MIA3: variants seen among roughly 807,000 people sequenced by gnomAD.
MIA3 encodes transport and Golgi organization protein 1 homolog.
A neutral mutation model predicts 192.4 loss-of-function variants in MIA3; 90 were observed. The ratio of observed to expected loss-of-function variants is 0.47; its 90% CI spans 0.39 to 0.56. MIA3 has a LOEUF of 0.56. Among genes scored for constraint, MIA3 ranks in the 20% least tolerant of loss-of-function variants. MIA3 has a pLI of 0.00. For synonymous variants in MIA3, 740 were observed against 792.8 expected (o/e 0.93, Z 1.12); for missense variants, 2,123 against 2,269.4 (o/e 0.94, Z 1.31).
intron 6 of MIA3, among the ~76,000 whole-genome samples, chr1:222,638,683 T>G (rs906650739): frequency 2.0e-4 from 30 of 151,498 alleles, no homozygotes; most frequent in African/African-American, 6.8e-4. Context: ...GGTGACAGAA[T>G]GAGACCTTGT....
intron 6 of MIA3, chr1:222,641,705 C>G: frequency 1.8e-6 from 1 of 553,868 alleles, no homozygotes; most frequent in Admixed American, 1.9e-5. Flanking sequence ...TCATTGTTCT[C>G]GCTCAGCATG....
intron 2 of MIA3, among the ~76,000 whole-genome samples, chr1:222,623,332 A>G (rs917893200): frequency 6.6e-6 from 1 of 151,924 alleles, no homozygotes; most frequent in Non-Finnish European, 1.5e-5. Flanking sequence ...TGTGGTCCCA[A>G]CTGACAAAGA....
At chr1:222,637,146 T>C (rs1451955437) in intron 6 of MIA3, among the ~76,000 whole-genome samples, 1 of 152,242 alleles carries the variant, frequency 6.6e-6, no homozygotes, top group Non-Finnish European at 1.5e-5. Context: ...TCTGTTATTA[T>C]TGCAGTGCAT....
chr1:222,640,604 TAACTC>T lies in MIA3; in HGVS notation c.3478-4947_3478-4943del. Among the ~76,000 whole-genome samples, 2 of 152,252 alleles carry T rather than the reference TAACTC, an allele frequency of 1.3e-5. 1 individual carries two copies. Among genetic ancestry groups the T allele is most frequent in the East Asian group, 3.9e-4 (2 of 5,190 alleles). On this transcript the variant is annotated intron_variant, in intron 6 of 27. Coordinates refer to ENST00000344922, the MANE Select transcript of MIA3 (RefSeq NM_198551.4). ...CATACCTCACATGATGTACATAAAT[TAACTC>T]AAAGCAGATAATAGACTTAAATGTA...
intron 3 of MIA3, among the ~76,000 whole-genome samples, 181 bp from the exon 4 acceptor site, chr1:222,627,394 G>A (rs1662167045): frequency 6.6e-6 from 1 of 152,198 alleles, no homozygotes; most frequent in South Asian, 2.1e-4. Flanking sequence ...ACTCAGATGG[G>A]AAAGTGGGTT....
Position 222,664,045 on chromosome 1 carries a change from C to T in MIA3, c.5310C>T (p.Leu1770=), listed in dbSNP as rs1479910042. Residue 1770 remains leucine, a synonymous_variant, in exon 27 of 28, where the codon CTC becomes CTT. Coordinates refer to ENST00000344922, the MANE Select transcript of MIA3 (RefSeq NM_198551.4). ...CCCCTCCTTTCCCAGGAGTCCCTCT[C>T]ATGAGCACCCCCATGGGAGGCCCTG... ...KGPPPFPGVP[L]MSTPMGGPVP... is the part of the protein sequence containing the mutation. 6.2e-7 allele frequency: 1 copy of T among 1,614,172 alleles called. No homozygotes were observed. The highest frequency in any genetic ancestry group is 8.5e-7 in the Non-Finnish European group (1 of 1,180,002).
intron 13 of MIA3, 42 bp from the exon 14 acceptor site, chr1:222,652,966 A>G (rs1053568446): frequency 2.5e-6 from 4 of 1,585,322 alleles, no homozygotes; most frequent in Non-Finnish European, 3.4e-6. Flanking sequence ...TCTCCAGTGC[A>G]AAAGCCCTAA....
At chr1:222,644,508 C>A (rs906113849) in intron 6 of MIA3, 65 of 1,550,500 alleles carry the variant, frequency 4.2e-5, no homozygotes, top group Non-Finnish European at 5.1e-5. Context: ...TGCCTTCTAT[C>A]GCCGCTACCC....
intron 3 of MIA3, among the ~76,000 whole-genome samples, chr1:222,626,283 T>A (rs17163313): frequency 2.6e-5 from 4 of 151,914 alleles, no homozygotes; most frequent in Admixed American, 2.0e-4. Flanking sequence ...CCTGTTTGGC[T>A]TCACTCCTGA....
In MIA3 at chr1:222,641,003, G is replaced by A. The variant is rs75603962; in HGVS notation, c.3478-4551G>A. On this transcript the variant is annotated intron_variant, in intron 6 of 27. Transcript: ENST00000344922. ...ATTATCAGGGAAATGCCAATTTAAA[G>A]CAGAATGAGTTACCACTACACACTT... Among the ~76,000 whole-genome samples the A allele has an allele frequency of 6.3e-3, 955 of 152,268 alleles. 18 individuals carry two copies. The highest frequency in any genetic ancestry group is 0.022 in the African/African-American group (907 of 41,538).
Position 222,627,927 on chromosome 1 carries a change from A to G in MIA3, c.707A>G (p.Asp236Gly). Residue 236 changes from aspartate to glycine, a missense_variant, in exon 4 of 28, where the codon GAT becomes GGT. This residue lies in a region of MIA3 where 1,357 missense variants were observed against 1,396.1 expected (regional missense o/e 0.97). Transcript: ENST00000344922. ...SFESFEEMLQ[D>G]KLKVPESENN... ...GAATCTTTTGAAGAAATGCTGCAAG[A>G]TAAACTAAAAGTGCCAGAAAGTGAA... 1 of 1,614,114 alleles carries G rather than the reference A, an allele frequency of 6.2e-7. No individual in the cohort carries two copies. The highest frequency in any genetic ancestry group is 8.5e-7 in the Non-Finnish European group (1 of 1,180,026).
intron 7 of MIA3, 89 bp downstream of exon 7, chr1:222,645,774 G>C (rs1663109893): frequency 8.6e-7 from 1 of 1,157,294 alleles, no homozygotes; most frequent in Non-Finnish European, 1.2e-6. Context: ...TTTCTAATAT[G>C]AACAGAAATT....
rs780336273 is a variant in MIA3, at chr1:222,629,144, A to G, written c.1924A>G (p.Arg642Gly). 1.2e-6 allele frequency: 2 copies of G among 1,614,112 alleles called. No homozygotes were observed. Among genetic ancestry groups the G allele is most frequent in the Non-Finnish European group, 1.7e-6 (2 of 1,180,038 alleles). The change falls in exon 4 of 28, where the codon AGA (arginine) becomes GGA (glycine). Residue 642 changes from arginine to glycine, a missense_variant. Transcript: ENST00000344922. Reference protein sequence around the residue: ...FSSPDEIDLPRELEDEVPILG... With the variant: ...FSSPDEIDLPGELEDEVPILG... ...CTCTCCAGATGAGATTGATTTGCCC[A>G]GAGAACTGGAAGACGAGGTTCCCAT... is the stretch of plus-strand genomic sequence containing the variant.
At chr1:222,641,775 G>A in intron 6 of MIA3, 1 of 558,658 alleles carries the variant, frequency 1.8e-6, no homozygotes, top group Non-Finnish European at 3.6e-6. Context: ...GGGCAATGGA[G>A]GTGGACAAGA....
rs1048021113 is a variant in MIA3 at position 222,629,486 on chromosome 1, G to A, written c.2266G>A (p.Val756Ile). The A allele has an allele frequency of 8.7e-6, 14 of 1,614,114 alleles. No individual in the cohort carries two copies. The highest frequency in any genetic ancestry group is 1.2e-5 in the Non-Finnish European group (14 of 1,180,022). ...NPGNQGRQFD[V>I]NLQVPDRAVL... ...TGGGAATCAGGGCAGGCAGTTTGAT[G>A]TTAATCTGCAAGTCCCTGACAGAGC... Residue 756 changes from valine (V) to isoleucine (I), a missense_variant, in exon 4 of 28, where the codon GTT (valine) becomes ATT (isoleucine). Val to Ile is a conservative substitution (Grantham distance 29). This residue lies in a region of MIA3 where 1,357 missense variants were observed against 1,396.1 expected (regional missense o/e 0.97). Coordinates refer to ENST00000344922, the MANE Select transcript of MIA3 (RefSeq NM_198551.4).
Position 222,654,461 on chromosome 1 carries a change from A to G in MIA3, c.4450A>G (p.Thr1484Ala). ...LQLKLRASVS[T>A]KCNLEDQVKK... ...GCTTAAGCTAAGAGCCTCCGTGTCC[A>G]CTAAATGTAACCTGGAAGGTAGGTT... is the stretch of plus-strand genomic sequence containing the variant. Residue 1484 changes from threonine (T) to alanine (A), a missense_variant, in exon 17 of 28, where the codon ACT (threonine) becomes GCT (alanine). Thr to Ala is a moderately conservative substitution (Grantham distance 58). Transcript: ENST00000344922. The G allele has an allele frequency of 6.2e-7, 1 of 1,613,320 alleles. No homozygotes were observed. Among genetic ancestry groups the G allele is most frequent in the Non-Finnish European group, 8.5e-7 (1 of 1,179,528 alleles).
chr1:222,640,411 G>T (rs2133188), intron 6 of MIA3, among the ~76,000 whole-genome samples: 34,425 of 151,974 alleles, frequency 0.23, 4,336 homozygotes, highest in Admixed American at 0.34. Flanking sequence ...GCTCTAGTAA[G>T]TAAGACAGCA....
intron 2 of MIA3, among the ~76,000 whole-genome samples, chr1:222,623,702 C>G (rs1214400000): frequency 1.3e-5 from 2 of 152,138 alleles, no homozygotes; most frequent in African/African-American, 4.8e-5. Context: ...ATAAGATGGC[C>G]TTTTTTTCTT....
At chr1:222,650,996 G>A in intron 11 of MIA3, 93 bp downstream of exon 11, 1 of 737,342 alleles carries the variant, frequency 1.4e-6, no homozygotes, top group Non-Finnish European at 2.2e-6. Flanking sequence ...GCTGTTATGT[G>A]AAGTAAGAGT....
Sources: allele counts gnomAD v4.1 joint callset (sites outside exome capture counted in the v4.1 genomes callset), GRCh38; gene constraint gnomAD v4.1.1; regional missense constraint gnomAD v4.1.1; transcripts MANE v1.5; gene names NCBI Gene and HGNC (gene_info 2026-07-23, HGNC 2026-07-21).